The following EYS variants were observed in gnomAD, a reference collection of about 807,000 sequenced individuals.
EYS encodes the protein EGF-like photoreceptor maintenance factor.
EYS carries 250 observed loss-of-function variants against 282.1 expected under a neutral mutation model. That is an observed-to-expected ratio of 0.89 (90% CI 0.80 to 0.98). EYS has a LOEUF of 0.98. Ranked by LOEUF, EYS falls within the 50% of genes least tolerant of loss-of-function variation. The pLI, the probability that EYS is intolerant of heterozygous loss-of-function variation, is 0.00. For synonymous variants in EYS, 1,355 were observed against 1,282.9 expected, an observed-to-expected ratio of 1.06 and a Z score of -1.20; for missense variants, 4,016 against 3,709.0, an observed-to-expected ratio of 1.08 and a Z score of -2.15.
chr6:65,267,362 T>G (rs1767785392), intron 12 of EYS, among the ~76,000 whole-genome samples: 1 of 151,932 alleles, frequency 6.6e-6, no homozygotes, highest in Non-Finnish European at 1.5e-5. Flanking sequence ...GAAAGGGTAC[T>G]GTGAGACCAT....
chr6:64,023,595 A>G (rs1769305620), intron 33 of EYS, among the ~76,000 whole-genome samples: 1 of 152,176 alleles, frequency 6.6e-6, no homozygotes. Flanking sequence ...ATTGTAGTAG[A>G]TGTGAAGTGG....
At chr6:65,020,267 G>A (rs1445818705) in intron 13 of EYS, among the ~76,000 whole-genome samples, 1 of 152,104 alleles carries the variant, frequency 6.6e-6, no homozygotes, top group Non-Finnish European at 1.5e-5. Context: ...TTCTACCTAT[G>A]AGCCTGTAAA....
intron 11 of EYS, chr6:65,332,376 T>A (rs935436791): frequency 3.0e-6 from 3 of 1,005,096 alleles, no homozygotes; most frequent in African/African-American, 3.2e-5. Context: ...CCTTTCTATA[T>A]GTTGCTGAAT....
At chr6:64,383,527 C>T (rs1428687940) in intron 29 of EYS, among the ~76,000 whole-genome samples, 1 of 152,176 alleles carries the variant, frequency 6.6e-6, no homozygotes, top group Non-Finnish European at 1.5e-5. Context: ...ATGAATGAAT[C>T]ATTTACCACA....
chr6:63,928,462 G>A (rs569958325), intron 35 of EYS, among the ~76,000 whole-genome samples: 15 of 152,202 alleles, frequency 9.9e-5, no homozygotes, highest in African/African-American at 3.4e-4. Context: ...GTGAATATTT[G>A]TCAAATGACA....
At chr6:65,296,739 G>T (rs962010031) in intron 11 of EYS, among the ~76,000 whole-genome samples, 1 of 151,542 alleles carries the variant, frequency 6.6e-6, no homozygotes, top group Non-Finnish European at 1.5e-5. Flanking sequence ...TAATGAATTT[G>T]CAAATTTCGA....
chr6:64,197,622 G>T (rs1237788536), intron 31 of EYS, among the ~76,000 whole-genome samples: 1 of 151,868 alleles, frequency 6.6e-6, no homozygotes, highest in Non-Finnish European at 1.5e-5. Flanking sequence ...TCTCTACATG[G>T]CTTGCTGCTA....
chr6:65,400,576 A>G (rs553173430), intron 7 of EYS, among the ~76,000 whole-genome samples: 1 of 151,990 alleles, frequency 6.6e-6, no homozygotes, highest in Admixed American at 6.6e-5. Context: ...GAATTTTCTG[A>G]TTTTTAACTA....
At chr6:64,117,329 C>A (rs1335993593) in intron 31 of EYS, among the ~76,000 whole-genome samples, 1 of 43,236 alleles carries the variant, frequency 2.3e-5, no homozygotes, top group Non-Finnish European at 4.2e-5. Context: ...AGAGGAACAA[C>A]CCCCCCCCCA....
chr6:65,526,865 A>G (rs1767587184), intron 2 of EYS, among the ~76,000 whole-genome samples: 1 of 152,186 alleles, frequency 6.6e-6, no homozygotes, highest in Non-Finnish European at 1.5e-5. Context: ...AAATAACGAG[A>G]GGGCACTGCA....
chr6:64,551,975 G>T (rs1276549220), intron 26 of EYS, among the ~76,000 whole-genome samples: 1 of 152,120 alleles, frequency 6.6e-6, no homozygotes, highest in East Asian at 1.9e-4. Context: ...CAGCGATATT[G>T]GGCAGGCTGG....
chr6:64,793,982 C>A (rs976375655), intron 22 of EYS, among the ~76,000 whole-genome samples: 3 of 152,122 alleles, frequency 2.0e-5, no homozygotes, highest in African/African-American at 7.2e-5. Context: ...TCCCATTGAA[C>A]AGCAGCTCCC....
chr6:64,578,949 C>T (rs1024721323), intron 26 of EYS, among the ~76,000 whole-genome samples: 1 of 152,040 alleles, frequency 6.6e-6, no homozygotes, highest in African/African-American at 2.4e-5. Context: ...CATACTGCAC[C>T]ACATGCTTCA....
At chr6:63,876,777 C>A (rs1772983757) in intron 35 of EYS, among the ~76,000 whole-genome samples, 1 of 152,280 alleles carries the variant, frequency 6.6e-6, no homozygotes, top group East Asian at 1.9e-4. Flanking sequence ...TTATCAGAGA[C>A]TAGAATTGCA....
chr6:64,273,272 G>A (rs1195400154), intron 30 of EYS, among the ~76,000 whole-genome samples: 2 of 152,002 alleles, frequency 1.3e-5, no homozygotes, highest in Admixed American at 6.6e-5. Flanking sequence ...TTATTGAGAC[G>A]GTCACACATG....
intron 40 of EYS, among the ~76,000 whole-genome samples, chr6:63,776,324 G>A (rs1263006071): frequency 6.6e-6 from 1 of 152,082 alleles, no homozygotes; most frequent in Non-Finnish European, 1.5e-5. Context: ...AAAATTATTT[G>A]CTGTTTTTAA....
chr6:65,253,904 T>A (rs1767392827), intron 12 of EYS, among the ~76,000 whole-genome samples: 1 of 151,816 alleles, frequency 6.6e-6, no homozygotes, highest in Admixed American at 6.6e-5. Flanking sequence ...CAATACAATA[T>A]AAATTCTACT....
intron 8 of EYS, among the ~76,000 whole-genome samples, chr6:65,363,702 T>G (rs2150335988): frequency 6.6e-6 from 1 of 152,082 alleles, no homozygotes; most frequent in Non-Finnish European, 1.5e-5. Context: ...TAGTAGCATT[T>G]ATTTAGATAA....
intron 12 of EYS, among the ~76,000 whole-genome samples, chr6:65,252,940 GAGAGCCTC>G (rs1767364669): frequency 6.6e-6 from 1 of 152,020 alleles, no homozygotes; most frequent in Non-Finnish European, 1.5e-5. Context: ...AAAAAGTGAA[GAGAGCCTC>G]AGACCTGTTA....
Sources: gnomAD v4.1 joint callset for allele counts (sites outside exome capture counted in the v4.1 genomes callset) on GRCh38, gnomAD v4.1.1 for gene constraint, MANE v1.5 for transcripts, NCBI Gene and HGNC (gene_info 2026-07-23, HGNC 2026-07-21) for gene names.